The following TIPARP variants were observed in gnomAD, a reference collection of about 807,000 sequenced individuals.
TIPARP encodes the protein protein mono-ADP-ribosyltransferase TIPARP.
In TIPARP, 12 loss-of-function variants were observed where a neutral mutation model predicts 56.5. That is an observed-to-expected ratio of 0.21 (90% CI 0.14 to 0.34). The LOEUF (loss-of-function observed/expected upper bound fraction) is 0.34. Among genes scored for constraint, TIPARP ranks in the 10% least tolerant of loss-of-function variants. TIPARP has a pLI of 1.00. For synonymous variants in TIPARP, 296 were observed against 265.7 expected (o/e 1.11, Z -1.11); for missense variants, 604 against 781.6 (o/e 0.77, Z 2.71).
chr3:156,689,282 T>C (rs1722509170), intron 2 of TIPARP, among the ~76,000 whole-genome samples: 1 of 152,154 alleles, frequency 6.6e-6, no homozygotes, highest in South Asian at 2.1e-4. Flanking sequence ...TAGACTCTTT[T>C]CACTCTCTTC....
intron 4 of TIPARP, among the ~76,000 whole-genome samples, chr3:156,700,074 CTTTTTTATTTTTTTA>C (rs1318912556): frequency 1.3e-5 from 2 of 151,742 alleles, no homozygotes; most frequent in Non-Finnish European, 2.9e-5. Context: ...ATTTTTAAAA[CTTTTTTATTTTTTTA>C]TTTTTTATTT....
At position 156,704,993 on chromosome 3, in the gene TIPARP, C is replaced by T. The variant is rs943708264; in HGVS notation, c.1836C>T (p.Gly612=). The T allele has an allele frequency of 4.3e-6, 7 of 1,614,110 alleles. No individual in the cohort carries two copies. In the African/African-American group the frequency reaches 6.7e-5, roughly 15 times the overall value. ...GAAGGCCCCCGCCAGTCAATCCTGGCAGTGTCACCAGTGACCTTTATGACT... is the reference window on the plus strand; with the variant it reads ...GAAGGCCCCCGCCAGTCAATCCTGGTAGTGTCACCAGTGACCTTTATGACT... ...GMRRPPPVNP[G]SVTSDLYDSC... Residue 612 remains glycine, a synonymous_variant, in exon 6 of 6, where the codon GGC becomes GGT. Coordinates refer to ENST00000295924, the MANE Select transcript of TIPARP (RefSeq NM_015508.5).
At chr3:156,691,321 C>T (rs1216375693) in intron 2 of TIPARP, among the ~76,000 whole-genome samples, 1 of 152,152 alleles carries the variant, frequency 6.6e-6, no homozygotes, top group Admixed American at 6.6e-5. Flanking sequence ...TTACTGGATG[C>T]CAATAACCAC....
At chr3:156,698,323 CAA>C (rs778809123) in intron 4 of TIPARP, among the ~76,000 whole-genome samples, 4 of 152,288 alleles carry the variant, frequency 2.6e-5, no homozygotes, top group African/African-American at 7.2e-5. Flanking sequence ...CTAAACTAAA[CAA>C]GAGATTTTCA....
intron 1 of TIPARP, among the ~76,000 whole-genome samples, chr3:156,677,245 C>G (rs1250751762): frequency 6.6e-6 from 1 of 152,158 alleles, no homozygotes; most frequent in Non-Finnish European, 1.5e-5. Context: ...ATAGGTGATA[C>G]ATAAACAACT....
At chr3:156,675,123 C>T (rs1577031307) in intron 1 of TIPARP, 4 of 152,368 alleles carry the variant, frequency 2.6e-5, no homozygotes, top group African/African-American at 4.8e-5. Flanking sequence ...TATGCGGCCT[C>T]CCCCGCGGGC....
intron 2 of TIPARP, among the ~76,000 whole-genome samples, chr3:156,688,517 T>C (rs1449287054): frequency 6.7e-6 from 1 of 149,860 alleles, no homozygotes; most frequent in African/African-American, 2.5e-5. Flanking sequence ...GTGCTACTTA[T>C]TTGAGGCAGT....
At chr3:156,689,656 C>G (rs182146248) in intron 2 of TIPARP, among the ~76,000 whole-genome samples, 29 of 152,304 alleles carry the variant, frequency 1.9e-4, no homozygotes, top group African/African-American at 7.0e-4. Context: ...TTATCTGGCC[C>G]AAGCCAACTT....
intron 3 of TIPARP, among the ~76,000 whole-genome samples, chr3:156,695,489 G>A (rs1343213298): frequency 2.0e-5 from 3 of 152,040 alleles, no homozygotes; most frequent in Non-Finnish European, 4.4e-5. Flanking sequence ...AAAGCGTGGG[G>A]AGTGGCTCAC....
chr3:156,704,572 G>T, intron 5 of TIPARP, 112 bp from the exon 6 acceptor site: 1 of 1,081,692 alleles, frequency 9.2e-7, no homozygotes, highest in Non-Finnish European at 1.3e-6. Context: ...ATGGCATTTT[G>T]CCCTTGATAA....
At chr3:156,690,506 G>A (rs757938070) in intron 2 of TIPARP, among the ~76,000 whole-genome samples, 3 of 152,108 alleles carry the variant, frequency 2.0e-5, no homozygotes, top group Non-Finnish European at 2.9e-5. Context: ...GAGAATGGGC[G>A]TCCTTTTCAG....
At chr3:156,688,482 G>GCCC (rs150341932) in intron 2 of TIPARP, among the ~76,000 whole-genome samples, 1,749 of 140,050 alleles carry the variant, frequency 0.012, 35 homozygotes, top group Middle Eastern at 0.015. Flanking sequence ...TTTTATTGCC[G>GCCC]CCCCCCCCCG....
Position 156,703,664 on chromosome 3 carries a change from G to A in TIPARP, c.1488G>A (p.Leu496=). ...PEFKYRILQI[L]RVQNQFLWEK... is the part of the protein sequence containing the mutation. The stretch of plus-strand genomic sequence containing the variant: ...TTAAATACAGAATTTTGCAGATATT[G>A]AGAGTCCAAAACCAGTTTCTTTGGG... Residue 496 remains leucine, a synonymous_variant, in exon 5 of 6, where the codon TTG becomes TTA. Coordinates refer to ENST00000295924, the MANE Select transcript of TIPARP (RefSeq NM_015508.5). 1 of 1,613,674 alleles carries A rather than the reference G, an allele frequency of 6.2e-7. No homozygotes were observed. Among genetic ancestry groups the A allele is most frequent in the South Asian group, 1.1e-5 (1 of 91,008 alleles).
chr3:156,679,600 T>C (rs184695), intron 2 of TIPARP, among the ~76,000 whole-genome samples: 55,628 of 152,066 alleles, frequency 0.37, 10,773 homozygotes, highest in Middle Eastern at 0.48. Flanking sequence ...AGAAGAACAC[T>C]TCTGTCCATG....
intron 4 of TIPARP, 66 bp downstream of exon 4, chr3:156,696,091 G>A: frequency 1.3e-6 from 2 of 1,520,994 alleles, no homozygotes; most frequent in Admixed American, 2.3e-5. Flanking sequence ...CTGAATACTA[G>A]AGATAAAAAA....
chr3:156,677,311 G>A (rs552739189), intron 1 of TIPARP, among the ~76,000 whole-genome samples: 1 of 152,128 alleles, frequency 6.6e-6, no homozygotes, highest in African/African-American at 2.4e-5. Flanking sequence ...TCATCATCTA[G>A]ATACAGTTAT....
chr3:156,695,846 T>A lies in TIPARP; in HGVS notation c.1087-19T>A. 2 of 1,401,054 alleles carry A rather than the reference T, an allele frequency of 1.4e-6. No individual in the cohort carries two copies. The highest frequency in any genetic ancestry group is 1.9e-6 in the Non-Finnish European group (2 of 1,071,130). 86.8% of individuals were successfully genotyped at this position (1,401,054 alleles called of 1,614,324 possible). On this transcript the variant is annotated intron_variant, in intron 3 of 5. Coordinates refer to ENST00000295924, the MANE Select transcript of TIPARP (RefSeq NM_015508.5). ...CTTTCCTTTTTTTTTTTTTTTTTGTTCTGTTTTCTCCTCCATAGTCTGTCA... is the reference window on the plus strand; with the variant it reads ...CTTTCCTTTTTTTTTTTTTTTTTGTACTGTTTTCTCCTCCATAGTCTGTCA...
chr3:156,691,096 G>GT (rs1722563046), intron 2 of TIPARP, among the ~76,000 whole-genome samples: 1 of 152,060 alleles, frequency 6.6e-6, no homozygotes, highest in Admixed American at 6.6e-5. Context: ...AGATACCCCT[G>GT]TTTAGAAGGT....
Position 156,678,187 on chromosome 3 carries a change from T to A in TIPARP, c.490T>A (p.Leu164Met). 1 of 1,614,134 alleles carries A rather than the reference T, an allele frequency of 6.2e-7. No homozygotes were observed. The highest frequency in any genetic ancestry group is 1.1e-5 in the South Asian group (1 of 91,082). ...STPAHFQTDL[L>M]HPVSSDVPTS... Reference sequence around the variant, plus strand: ...ACCAGCTCACTTCCAGACTGATCTTTTGCACCCAGTTTCAAGTGATGTTCC... The same window carrying A: ...ACCAGCTCACTTCCAGACTGATCTTATGCACCCAGTTTCAAGTGATGTTCC... Residue 164 changes from leucine (L) to methionine (M), a missense_variant, in exon 2 of 6, where the codon TTG becomes ATG. This residue lies in a region of TIPARP where 261 missense variants were observed against 279.2 expected (regional missense o/e 0.93). Transcript: ENST00000295924.
Sources: gnomAD v4.1 joint callset for allele counts (sites outside exome capture counted in the v4.1 genomes callset) on GRCh38, gnomAD v4.1.1 for gene constraint, gnomAD v4.1.1 regional missense constraint, MANE v1.5 for transcripts, NCBI Gene and HGNC (gene_info 2026-07-23, HGNC 2026-07-21) for gene names.